The following TMEM163 variants were observed in gnomAD, a reference collection of about 807,000 sequenced individuals.
The protein encoded by TMEM163 is transmembrane protein 163.
In TMEM163, 17 loss-of-function variants were observed where a neutral mutation model predicts 29.3. The ratio of observed to expected loss-of-function variants is 0.58; its 90% CI spans 0.40 to 0.87. The LOEUF is 0.87. Ranked by LOEUF, TMEM163 falls within the 40% of genes least tolerant of loss-of-function variation. The pLI is 0.00. For synonymous variants in TMEM163, 157 were observed against 160.6 expected (o/e 0.98, Z 0.17); for missense variants, 303 against 381.5 (o/e 0.79, Z 1.71).
intron 2 of TMEM163, among the ~76,000 whole-genome samples, chr2:134,606,950 AC>A (rs1442240405): frequency 6.8e-6 from 1 of 146,848 alleles, no homozygotes; most frequent in African/African-American, 2.7e-5. Context: ...AGGAGGACAG[AC>A]CCCGAGAACT....
intron 4 of TMEM163, among the ~76,000 whole-genome samples, chr2:134,509,964 G>A (rs1679912328): frequency 6.6e-6 from 1 of 152,162 alleles, no homozygotes; most frequent in Admixed American, 6.5e-5. Flanking sequence ...ACAGCACTGT[G>A]GGGCCCTATT....
intron 5 of TMEM163, among the ~76,000 whole-genome samples, chr2:134,486,142 C>G (rs566479196): frequency 7.2e-5 from 11 of 152,324 alleles, no homozygotes; most frequent in Admixed American, 3.9e-4. Context: ...ATGCACAACA[C>G]TCTTCATGCA....
chr2:134,507,430 C>T (rs890810597), intron 4 of TMEM163, among the ~76,000 whole-genome samples: 7 of 152,286 alleles, frequency 4.6e-5, no homozygotes, highest in South Asian at 2.1e-4. Context: ...GCAGCACCCG[C>T]GTCACATAAG....
intron 2 of TMEM163, among the ~76,000 whole-genome samples, chr2:134,688,100 A>G (rs1336570492): frequency 6.6e-6 from 1 of 152,176 alleles, no homozygotes; most frequent in African/African-American, 2.4e-5. Flanking sequence ...CTGCGCAGCA[A>G]GCTCCCCACT....
chr2:134,586,932 A>G (rs1292888628), intron 2 of TMEM163, among the ~76,000 whole-genome samples: 1 of 152,192 alleles, frequency 6.6e-6, no homozygotes, highest in Non-Finnish European at 1.5e-5. Flanking sequence ...CACACCAGTA[A>G]GCTGTAGACA....
intron 2 of TMEM163, among the ~76,000 whole-genome samples, chr2:134,687,290 T>C (rs900763658): frequency 6.6e-6 from 1 of 151,934 alleles, no homozygotes. Context: ...ACAGATAAAA[T>C]GTTGGGAAGA....
At chr2:134,656,322 C>T (rs57274837) in intron 2 of TMEM163, among the ~76,000 whole-genome samples, 3 of 150,780 alleles carry the variant, frequency 2.0e-5, no homozygotes, top group East Asian at 1.9e-4. Flanking sequence ...CAGGTGCGTC[C>T]GTCACCCCTT....
chr2:134,605,016 C>G (rs991009571), intron 2 of TMEM163, among the ~76,000 whole-genome samples: 1 of 151,924 alleles, frequency 6.6e-6, no homozygotes, highest in Non-Finnish European at 1.5e-5. Context: ...CCTGTCTCTA[C>G]TAAATATACA....
rs960702927 is a variant in TMEM163, at chr2:134,637,711, T to C, written c.322+75489A>G. Among the ~76,000 whole-genome samples, 120 of 152,206 alleles carry C rather than the reference T, an allele frequency of 7.9e-4. 1 individual carries two copies. Among genetic ancestry groups the C allele is most frequent in the African/African-American group, 8.4e-4 (35 of 41,460 alleles). On this transcript the variant is annotated intron_variant, in intron 2 of 7. Transcript: ENST00000281924. ...GAACCCACCACCACCACAACCACCA[T>C]CACTCACCAATTCACCAAAAACTGG... is the stretch of plus-strand genomic sequence containing the variant.
chr2:134,562,093 G>A (rs1230165927), intron 2 of TMEM163, among the ~76,000 whole-genome samples: 2 of 152,192 alleles, frequency 1.3e-5, no homozygotes, highest in African/African-American at 4.8e-5. Flanking sequence ...TGAGGTTGCT[G>A]GGAGTTTGAA....
chr2:134,678,015 C>T (rs1409868522), intron 2 of TMEM163, among the ~76,000 whole-genome samples: 1 of 152,202 alleles, frequency 6.6e-6, no homozygotes, highest in Non-Finnish European at 1.5e-5. Context: ...GCCAGCAATG[C>T]CCAACACAAC....
At position 134,718,806 on chromosome 2, in the gene TMEM163, G is replaced by T. The variant is rs1240300315; in HGVS notation, c.130C>A (p.Pro44Thr). The change falls in exon 1 of 8, where the codon CCC becomes ACC. Residue 44 changes from proline (P) to threonine (T), a missense_variant. Transcript: ENST00000281924. The part of the protein sequence containing the change: ...APLSSPVREP[P>T]QLEEERQVRI... ...ACCTGCCGCTCCTCCTCCAGCTGGG[G>T]CGGCTCGCGCACCGGGGAGCTCAGC... The T allele has an allele frequency of 7.9e-6, 9 of 1,141,940 alleles. No individual in the cohort carries two copies. The highest frequency in any genetic ancestry group is 9.7e-6 in the Non-Finnish European group (9 of 930,648). The allele number at this position is 1,141,940 out of a possible 1,614,324, so 70.7% of individuals were successfully genotyped here.
chr2:134,498,477 C>T (rs1255831572), intron 5 of TMEM163, among the ~76,000 whole-genome samples: 1 of 151,730 alleles, frequency 6.6e-6, no homozygotes, highest in Non-Finnish European at 1.5e-5. Flanking sequence ...GCTACCACCA[C>T]ACCTGGCTAA....
chr2:134,469,144 G>A (rs1267393702), intron 5 of TMEM163: 1 of 152,258 alleles, frequency 6.6e-6, no homozygotes, highest in East Asian at 1.9e-4. Flanking sequence ...AGTATGCATG[G>A]TGAAACATAA....
At chr2:134,660,779 C>G (rs748690336) in intron 2 of TMEM163, among the ~76,000 whole-genome samples, 9 of 152,298 alleles carry the variant, frequency 5.9e-5, no homozygotes, top group Non-Finnish European at 2.9e-5. Flanking sequence ...GTGCATGCCC[C>G]GTGGCATTGC....
At chr2:134,473,625 T>C (rs542459401) in intron 5 of TMEM163, among the ~76,000 whole-genome samples, 2 of 150,744 alleles carry the variant, frequency 1.3e-5, no homozygotes, top group African/African-American at 2.4e-5. Context: ...TTGATAAAGA[T>C]CAGTAATGTA....
At chr2:134,582,615 C>T (rs540448703) in intron 2 of TMEM163, among the ~76,000 whole-genome samples, 11 of 152,274 alleles carry the variant, frequency 7.2e-5, no homozygotes, top group Admixed American at 7.2e-4. Flanking sequence ...GAAACCCAAG[C>T]CCAAGCTGGT....
chr2:134,485,572 G>A (rs1420509552), intron 5 of TMEM163, among the ~76,000 whole-genome samples: 3 of 152,178 alleles, frequency 2.0e-5, no homozygotes, highest in Admixed American at 1.3e-4. Flanking sequence ...TGCTGCCCGA[G>A]GCACAATTTC....
intron 2 of TMEM163, among the ~76,000 whole-genome samples, chr2:134,560,481 G>A (rs528449625): frequency 2.0e-5 from 3 of 152,230 alleles, no homozygotes; most frequent in Non-Finnish European, 2.9e-5. Context: ...TCAAAACACC[G>A]GGAGGCCCAG....
Sources: gnomAD v4.1 joint callset for allele counts (sites outside exome capture counted in the v4.1 genomes callset) on GRCh38, gnomAD v4.1.1 for gene constraint, MANE v1.5 for transcripts, NCBI Gene and HGNC (gene_info 2026-07-23, HGNC 2026-07-21) for gene names.